The following CSMD3 variants were observed in gnomAD, a reference collection of about 807,000 sequenced individuals.
CSMD3 encodes the protein CUB and Sushi multiple domains 3.
A neutral mutation model predicts 435.2 loss-of-function variants in CSMD3; 177 were observed. The observed-to-expected ratio is 0.41, with a 90% CI of 0.36 to 0.46. The LOEUF is 0.46. CSMD3 is among the 20% of genes least tolerant of loss of function. The probability of loss-of-function intolerance (pLI) is 0.34; values close to 1 mark genes in which losing one functional copy is unlikely to be tolerated. For synonymous variants in CSMD3, 1,656 were observed against 1,520.5 expected (o/e 1.09, Z -2.07); for missense variants, 4,265 against 4,504.6 (o/e 0.95, Z 1.52).
intron 3 of CSMD3, among the ~76,000 whole-genome samples, chr8:113,266,991 T>A (rs79993933): frequency 0.03 from 4,491 of 151,658 alleles, 86 homozygotes; most frequent in Non-Finnish European, 0.04. Context: ...CTAACAGGTA[T>A]ATGAAAAAAA....
At chr8:112,893,634 C>G (rs777644073) in intron 10 of CSMD3, among the ~76,000 whole-genome samples, 2 of 151,590 alleles carry the variant, frequency 1.3e-5, no homozygotes, top group East Asian at 3.9e-4. Flanking sequence ...TTTGCATATT[C>G]TCTGAGGCAG....
At chr8:112,310,812 C>A in intron 50 of CSMD3, 166 bp downstream of exon 50, 1 of 713,550 alleles carries the variant, frequency 1.4e-6, no homozygotes, top group Admixed American at 2.0e-5. Context: ...TTTCTTTCCC[C>A]TGGAATTTAT....
chr8:112,399,166 C>T (rs1831108410), intron 35 of CSMD3, among the ~76,000 whole-genome samples: 1 of 152,094 alleles, frequency 6.6e-6, no homozygotes, highest in South Asian at 2.1e-4. Context: ...GATCCACCCG[C>T]CTCGGCTAAA....
At chr8:112,559,513 G>A (rs531132820) in intron 24 of CSMD3, among the ~76,000 whole-genome samples, 2 of 151,908 alleles carry the variant, frequency 1.3e-5, no homozygotes, top group East Asian at 1.9e-4. Context: ...GCCCCCAGGA[G>A]TAAGGACTAG....
chr8:112,793,587 C>A (rs1189406054), intron 13 of CSMD3, among the ~76,000 whole-genome samples: 1 of 151,922 alleles, frequency 6.6e-6, no homozygotes, highest in East Asian at 1.9e-4. Context: ...GCTCCCAAAA[C>A]AAACAAACAA....
chr8:113,402,025 G>T (rs1359880199), intron 1 of CSMD3, among the ~76,000 whole-genome samples: 1 of 151,374 alleles, frequency 6.6e-6, no homozygotes, highest in African/African-American at 2.4e-5. Context: ...TTTAAATGGT[G>T]CATGACTGTA....
intron 23 of CSMD3, among the ~76,000 whole-genome samples, chr8:112,580,040 T>C (rs1264834709): frequency 2.0e-5 from 3 of 152,034 alleles, no homozygotes; most frequent in Non-Finnish European, 2.9e-5. Flanking sequence ...CTACATTCCT[T>C]TATTCTGAAC....
intron 22 of CSMD3, among the ~76,000 whole-genome samples, chr8:112,593,051 C>G (rs919226901): frequency 4.6e-5 from 7 of 152,124 alleles, no homozygotes; most frequent in Non-Finnish European, 8.8e-5. Flanking sequence ...CAAACGTAAT[C>G]AAATTGTACA....
intron 42 of CSMD3, among the ~76,000 whole-genome samples, chr8:112,339,129 TG>T (rs1824850268): frequency 6.6e-6 from 1 of 152,048 alleles, no homozygotes; most frequent in Admixed American, 6.6e-5. Flanking sequence ...CTCACCTTTT[TG>T]GCCCAGCAGA....
chr8:113,217,584 G>T (rs1381421867), intron 3 of CSMD3, among the ~76,000 whole-genome samples: 1 of 151,588 alleles, frequency 6.6e-6, no homozygotes, highest in African/African-American at 2.4e-5. Flanking sequence ...TTTATTAAGA[G>T]AATTTAACAG....
At chr8:113,188,098 T>C (rs1055300990) in intron 3 of CSMD3, among the ~76,000 whole-genome samples, 6 of 152,008 alleles carry the variant, frequency 3.9e-5, no homozygotes, top group African/African-American at 4.8e-5. Context: ...CCACGGTGAT[T>C]ACCTTCACAC....
At chr8:113,352,433 G>A (rs1302295191) in intron 1 of CSMD3, among the ~76,000 whole-genome samples, 1 of 151,902 alleles carries the variant, frequency 6.6e-6, no homozygotes, top group African/African-American at 2.4e-5. Context: ...GCACGCCCTT[G>A]CTAACATCTT....
intron 24 of CSMD3, among the ~76,000 whole-genome samples, chr8:112,566,054 T>TA (rs200029234): frequency 6.6e-6 from 1 of 150,990 alleles, no homozygotes; most frequent in Non-Finnish European, 1.5e-5. Context: ...TTTTTTTTTT[T>TA]ACTCTTACCT....
At chr8:113,071,012 T>C (rs1355245234) in intron 5 of CSMD3, among the ~76,000 whole-genome samples, 1 of 152,074 alleles carries the variant, frequency 6.6e-6, no homozygotes, top group Non-Finnish European at 1.5e-5. Context: ...ATAGCCATTC[T>C]AACAGATGTG....
chr8:113,256,846 A>G (rs1391299620), intron 3 of CSMD3, among the ~76,000 whole-genome samples: 6 of 152,228 alleles, frequency 3.9e-5, no homozygotes, highest in Admixed American at 3.9e-4. Flanking sequence ...TGTAGTGTGT[A>G]GGATGGAAAG....
chr8:112,534,733 A>G (rs1825885270), intron 27 of CSMD3, among the ~76,000 whole-genome samples: 1 of 152,072 alleles, frequency 6.6e-6, no homozygotes, highest in Admixed American at 6.6e-5. Context: ...ACCAAAAAAG[A>G]GAATTTTAGA....
chr8:112,328,097 C>T (rs1353371022), intron 45 of CSMD3, among the ~76,000 whole-genome samples: 6 of 152,176 alleles, frequency 3.9e-5, no homozygotes, highest in South Asian at 2.1e-4. Context: ...ACAGAAATAA[C>T]GTTGCATATT....
At chr8:112,362,895 T>C (rs913973776) in intron 38 of CSMD3, among the ~76,000 whole-genome samples, 2 of 151,964 alleles carry the variant, frequency 1.3e-5, no homozygotes, top group African/African-American at 4.8e-5. Context: ...TTTTTCTTTC[T>C]TTTTTGGAAA....
chr8:112,330,766 T>C (rs1823968050), intron 45 of CSMD3, among the ~76,000 whole-genome samples: 1 of 152,096 alleles, frequency 6.6e-6, no homozygotes, highest in African/African-American at 2.4e-5. Context: ...TTTGACTAAA[T>C]TTTTAAAGAA....
Sources: allele counts gnomAD v4.1 joint callset (sites outside exome capture counted in the v4.1 genomes callset), GRCh38; gene constraint gnomAD v4.1.1; transcripts MANE v1.5; gene names NCBI Gene and HGNC (gene_info 2026-07-23, HGNC 2026-07-21).